The following KPNA5 variants were observed in gnomAD, a reference collection of about 807,000 sequenced individuals.
KPNA5 encodes the protein karyopherin subunit alpha 5, also known as importin subunit alpha-6.
Under a neutral mutation model 71.3 loss-of-function variants are expected in KPNA5, and 46 were observed. The observed-to-expected ratio is 0.65, with a 90% confidence interval of 0.51 to 0.83. KPNA5 has a LOEUF of 0.83. Ranked by LOEUF, KPNA5 falls within the 40% of genes least tolerant of loss-of-function variation. KPNA5 has a pLI of 0.00. For missense variants in KPNA5, 547 were observed against 628.3 expected (o/e 0.87, Z 1.38); for synonymous variants, 207 against 201.4 (o/e 1.03, Z -0.24).
rs930999559 is a variant in KPNA5 at position 116,735,667 on chromosome 6, TTTC to T, written c.*3347_*3349del. 6.6e-6 allele frequency: 1 copy of T among 151,792 alleles called. No individual in the cohort carries two copies. Among genetic ancestry groups the T allele is most frequent in the African/African-American group, 2.4e-5 (1 of 41,444 alleles). The allele number at this position is 151,792 out of a possible 1,614,324, so 9.4% of individuals were successfully genotyped here. On this transcript the variant is annotated 3_prime_UTR_variant, in exon 14 of 14. Coordinates refer to ENST00000368564, the MANE Select transcript of KPNA5 (RefSeq NM_001366306.2). ...TTATATAAATGTGTCCATTTCATTT[TTTC>T]TTAAGATTGTTGTTTCCTAACAGAA... is the stretch of plus-strand genomic sequence containing the variant.
rs67301038 is a variant in KPNA5, at chr6:116,710,893, ATTTTTT to A, written c.657-5312_657-5307del. 1.4e-3 allele frequency among the ~76,000 whole-genome samples: 124 copies of A among 86,738 alleles called. 2 individuals carry two copies. The highest frequency in any genetic ancestry group is 5.4e-3 in the African/African-American group (121 of 22,336). 56.9% of individuals were successfully genotyped at this position (86,738 alleles called of 152,430 possible). A position where few individuals can be genotyped will look rare whatever the true frequency, so the allele number is the denominator to read the frequency against. On this transcript the variant is annotated intron_variant, in intron 7 of 13. Transcript: ENST00000368564. Reference sequence around the variant, plus strand: ...TTATTTTATATATATATATATATATATTTTTTTTTTTTTTTTTTTGAGTTGGAGTCT... The same window carrying A: ...TTATTTTATATATATATATATATATATTTTTTTTTTTTTGAGTTGGAGTCT...
At chr6:116,721,161 C>T (rs1484234830) in intron 8 of KPNA5, among the ~76,000 whole-genome samples, 2 of 151,708 alleles carry the variant, frequency 1.3e-5, no homozygotes, top group Admixed American at 6.6e-5. Context: ...AGAGGACAGG[C>T]CCAGCAGAGA....
chr6:116,723,653 A>T (rs567589523), intron 9 of KPNA5, among the ~76,000 whole-genome samples: 2 of 152,236 alleles, frequency 1.3e-5, no homozygotes, highest in South Asian at 4.1e-4. Context: ...GAAACCCATA[A>T]GTCCACACTA....
rs549310172 is a variant in KPNA5 at position 116,693,735 on chromosome 6, G to C, written c.340+1343G>C. Among the ~76,000 whole-genome samples the C allele has an allele frequency of 3.9e-5, 6 of 152,078 alleles. No homozygotes were observed. The East Asian group carries it at 1.2e-3, about 29-fold the overall frequency. On this transcript the variant is annotated intron_variant, in intron 4 of 13. Coordinates refer to ENST00000368564, the MANE Select transcript of KPNA5 (RefSeq NM_001366306.2). ...TCTTTTGCTGTGCAGAAGCTCTTTA[G>C]TTTAATTAGATCCCATTTGTCAATT...
intron 1 of KPNA5, among the ~76,000 whole-genome samples, chr6:116,688,840 C>T (rs1777688606): frequency 6.6e-6 from 1 of 151,964 alleles, no homozygotes; most frequent in Non-Finnish European, 1.5e-5. Flanking sequence ...GAAGCCAGAC[C>T]CCAATAAATA....
chr6:116,712,009 C>A, intron 7 of KPNA5, among the ~76,000 whole-genome samples: 1 of 152,074 alleles, frequency 6.6e-6, no homozygotes, highest in Non-Finnish European at 1.5e-5. Context: ...AGTGGTGCAG[C>A]CTCGGCTCAT....
At chr6:116,681,599 G>T (rs545520962) in intron 1 of KPNA5, 1 of 1,146,976 alleles carries the variant, frequency 8.7e-7, no homozygotes, top group Admixed American at 4.4e-5. Flanking sequence ...ATGGGCAGCT[G>T]GTCTCATCTT....
chr6:116,685,034 T>C (rs1777516976), intron 1 of KPNA5, among the ~76,000 whole-genome samples: 1 of 152,220 alleles, frequency 6.6e-6, no homozygotes, highest in Non-Finnish European at 1.5e-5. Context: ...CTCCTAGATA[T>C]TTACTGAGTG....
Position 116,738,461 on chromosome 6 carries a change from A to T in KPNA5, c.*6138A>T, listed in dbSNP as rs1189361409. 2 of 152,132 alleles carry T rather than the reference A, an allele frequency of 1.3e-5. No homozygotes were observed. The highest frequency in any genetic ancestry group is 2.9e-5 in the Non-Finnish European group (2 of 68,026). 9.4% of individuals were successfully genotyped at this position (152,132 alleles called of 1,614,324 possible). A position where few individuals can be genotyped will look rare whatever the true frequency, so the allele number is the denominator to read the frequency against. ...TACCATTCCTTCTGAAACTATTCCA[A>T]TCAATAGAAAAAGAGGGAATCCTCC... is the stretch of plus-strand genomic sequence containing the variant. On this transcript the variant is annotated 3_prime_UTR_variant, in exon 14 of 14. Coordinates refer to ENST00000368564, the MANE Select transcript of KPNA5 (RefSeq NM_001366306.2).
rs768971997 is a variant in KPNA5, at chr6:116,729,603, CTT to C, written c.1297_1298del (p.Leu433AspfsTer16). Reference protein sequence around the residue: ...ALGCIKPLCDLLTVMDSKIVQ... With the variant: ...ALGCIKPLCDXLTVMDSKIVQ... ...AGGCTGCATTAAACCACTTTGTGATCTTTTGACTGTTATGGACTCCAAAATAG... is the reference window on the plus strand; with the variant it reads ...AGGCTGCATTAAACCACTTTGTGATCTTGACTGTTATGGACTCCAAAATAG... On this transcript the variant is annotated frameshift_variant, in exon 13 of 14. Transcript: ENST00000368564. LOFTEE classifies it high-confidence loss of function. 6.3e-7 allele frequency: 1 copy of C among 1,598,224 alleles called. No homozygotes were observed. The highest frequency in any genetic ancestry group is 8.5e-7 in the Non-Finnish European group (1 of 1,171,958).
intron 1 of KPNA5, among the ~76,000 whole-genome samples, chr6:116,688,283 G>C (rs912165641): frequency 3.9e-5 from 6 of 151,990 alleles, no homozygotes; most frequent in Admixed American, 6.6e-5. Flanking sequence ...TCAATATCAG[G>C]GATGGCAGAC....
rs1336684642 is a variant in KPNA5 at position 116,735,813 on chromosome 6, A to T, written c.*3490A>T. 9.9e-5 allele frequency: 15 copies of T among 151,972 alleles called. No homozygotes were observed. In the East Asian group the frequency reaches 1.4e-3, roughly 14 times the overall value. The allele number at this position is 151,972 out of a possible 1,614,324, so 9.4% of individuals were successfully genotyped here. On this transcript the variant is annotated 3_prime_UTR_variant, in exon 14 of 14. Coordinates refer to ENST00000368564, the MANE Select transcript of KPNA5 (RefSeq NM_001366306.2). ...AACTAGACAGAAAAAGAGAAAAAAC[A>T]AATGAAGATGGAACAAATAGCAAGA...
At chr6:116,694,205 A>G (rs1201601357) in intron 4 of KPNA5, among the ~76,000 whole-genome samples, 27 of 152,024 alleles carry the variant, frequency 1.8e-4, no homozygotes, top group Admixed American at 2.6e-4. Flanking sequence ...GCTTAGGATT[A>G]TCTTGGCAAT....
intron 1 of KPNA5, among the ~76,000 whole-genome samples, chr6:116,683,085 G>A (rs1163859227): frequency 1.3e-5 from 2 of 152,168 alleles, no homozygotes; most frequent in Non-Finnish European, 2.9e-5. Flanking sequence ...CATAAGTAGC[G>A]CCTTTGTATG....
In KPNA5 at chr6:116,725,807, G is replaced by A. The variant is rs1306307724; in HGVS notation, c.1056G>A (p.Lys352=). ...PCLLHLLSSP[K]ESIRKEACWT... Reference sequence around the variant, plus strand: ...TCTTACATTTATTGAGTAGCCCAAAGGAGTCAATTAGAAAAGAAGCCTGCT... The same window carrying A: ...TCTTACATTTATTGAGTAGCCCAAAAGAGTCAATTAGAAAAGAAGCCTGCT... Residue 352 remains lysine, a synonymous_variant, in exon 11 of 14, where the codon AAG becomes AAA. Coordinates refer to ENST00000368564, the MANE Select transcript of KPNA5 (RefSeq NM_001366306.2). 1.9e-6 allele frequency: 3 copies of A among 1,613,178 alleles called. No homozygotes were observed. Among genetic ancestry groups the A allele is most frequent in the African/African-American group, 1.3e-5 (1 of 74,868 alleles).
At chr6:116,704,337 C>T (rs1328677792) in intron 6 of KPNA5, among the ~76,000 whole-genome samples, 1 of 152,132 alleles carries the variant, frequency 6.6e-6, no homozygotes, top group African/African-American at 2.4e-5. Context: ...TGCACCCGAC[C>T]TACTATAGAC....
Position 116,716,256 on chromosome 6 carries a change from A to G in KPNA5, c.694A>G (p.Asn232Asp), listed in dbSNP as rs751779393. ...TNSNRLTTTR[N>D]AVWALSNLCR... Reference sequence around the variant, plus strand: ...TTCAAACAGACTCACAACAACAAGAAATGCCGTGTGGGCCCTCTCAAATTT... The same window carrying G: ...TTCAAACAGACTCACAACAACAAGAGATGCCGTGTGGGCCCTCTCAAATTT... The change falls in exon 8 of 14, where the codon AAT (asparagine) becomes GAT (aspartate). Residue 232 changes from asparagine (N) to aspartate (D), a missense_variant. Transcript: ENST00000368564. 6.2e-7 allele frequency: 1 copy of G among 1,613,628 alleles called. No homozygotes were observed. The highest frequency in any genetic ancestry group is 8.5e-7 in the Non-Finnish European group (1 of 1,179,848).
chr6:116,692,150 T>G lies in KPNA5; in HGVS notation c.234T>G (p.Ile78Met), dbSNP rs1477494149. The G allele has an allele frequency of 6.3e-7, 1 of 1,596,990 alleles. No homozygotes were observed. The highest frequency in any genetic ancestry group is 8.6e-7 in the Non-Finnish European group (1 of 1,166,458). Residue 78 changes from isoleucine to methionine, a missense_variant, in exon 3 of 14, where the codon ATT (isoleucine) becomes ATG (methionine). Coordinates refer to ENST00000368564, the MANE Select transcript of KPNA5 (RefSeq NM_001366306.2). ...CAGATATTAGTTCCACTGTACCCAT[T>G]CCAGAGGTATACTTTACCAAAATAT... ...QDPDISSTVPIPEEEVVTTDM... is the reference protein window; with the variant it reads ...QDPDISSTVPMPEEEVVTTDM...
Position 116,736,650 on chromosome 6 carries a change from C to A in KPNA5, c.*4327C>A, listed in dbSNP as rs1056334840. On this transcript the variant is annotated 3_prime_UTR_variant, in exon 14 of 14. Transcript: ENST00000368564. ...GGATCCATGGATTTATAGTTTTCAT[C>A]AAATTTGAAAACACAGCAATTATTT... The A allele has an allele frequency of 4.6e-5, 7 of 151,916 alleles. No homozygotes were observed. The highest frequency in any genetic ancestry group is 1.5e-5 in the Non-Finnish European group (1 of 67,904). The allele number at this position is 151,916 out of a possible 1,614,324, so 9.4% of individuals were successfully genotyped here.
Sources: gnomAD v4.1 joint callset for allele counts (sites outside exome capture counted in the v4.1 genomes callset) on GRCh38, gnomAD v4.1.1 for gene constraint, MANE v1.5 for transcripts, NCBI Gene and HGNC (gene_info 2026-07-23, HGNC 2026-07-21) for gene names.